Variants in POLR3F observed in about 807,000 individuals in gnomAD.
POLR3F encodes the protein DNA-directed RNA polymerase III subunit RPC6.
POLR3F carries 31 observed loss-of-function variants against 43.6 expected under a neutral mutation model. The observed-to-expected ratio is 0.71, with a 90% CI of 0.53 to 0.96. POLR3F has a LOEUF of 0.96. Among genes scored for constraint, POLR3F ranks in the 40% least tolerant of loss-of-function variants. The probability of loss-of-function intolerance (pLI) is 0.00; values close to 1 mark genes in which losing one functional copy is unlikely to be tolerated. For missense variants in POLR3F, 316 were observed against 391.7 expected (o/e 0.81, Z 1.63); for synonymous variants, 114 against 132.5 (o/e 0.86, Z 0.96).
intron 3 of POLR3F, among the ~76,000 whole-genome samples, 176 bp from the exon 4 acceptor site, chr20:18,473,215 G>C (rs1187618747): frequency 6.6e-6 from 1 of 151,096 alleles, no homozygotes; most frequent in Non-Finnish European, 1.5e-5. Context: ...CTGTATCTTG[G>C]ACATCTTTTC....
At chr20:18,473,085 T>G (rs1412867900) in intron 3 of POLR3F, 176 bp downstream of exon 3, 1 of 387,570 alleles carries the variant, frequency 2.6e-6, no homozygotes, top group Non-Finnish European at 4.6e-6. Context: ...TATCCTTTCT[T>G]CTAGCTATAT....
In POLR3F at chr20:18,472,316, C is replaced by T. The variant is rs182987105; in HGVS notation, c.181-526C>T. Among the ~76,000 whole-genome samples the T allele has an allele frequency of 1.6e-3, 238 of 151,952 alleles. 1 individual carries two copies. The highest frequency in any genetic ancestry group is 5.4e-3 in the African/African-American group (223 of 41,444). ...ATCTCAGCTCAGCCTTCCATGTAGC[C>T]GGGACTACAGGCGCATGCCACTGCA... On this transcript the variant is annotated intron_variant, in intron 2 of 8. Transcript: ENST00000377603.
chr20:18,477,178 A>G (rs1266226238), intron 5 of POLR3F, among the ~76,000 whole-genome samples: 5 of 152,200 alleles, frequency 3.3e-5, no homozygotes, highest in Non-Finnish European at 1.5e-5. Context: ...ATGGCAGATA[A>G]GCATATGAAA....
intron 4 of POLR3F, 123 bp downstream of exon 4, chr20:18,473,581 A>G: frequency 2.1e-6 from 1 of 483,670 alleles, no homozygotes; most frequent in East Asian, 3.1e-5. Flanking sequence ...GTAATAGAAC[A>G]TACAAATATA....
chr20:18,483,415 T>A, intron 8 of POLR3F, 66 bp from the exon 9 acceptor site: 1 of 735,532 alleles, frequency 1.4e-6, no homozygotes, highest in Non-Finnish European at 2.2e-6. Context: ...TTGCTTTAAA[T>A]AAGTGGTTGG....
chr20:18,468,770 G>T (rs2059725670), intron 1 of POLR3F, among the ~76,000 whole-genome samples, 174 bp from the exon 2 acceptor site: 1 of 152,180 alleles, frequency 6.6e-6, no homozygotes, highest in South Asian at 2.1e-4. Flanking sequence ...CATGTATTTA[G>T]AAATCATCTT....
At chr20:18,478,904 A>C (rs1262652360) in intron 5 of POLR3F, among the ~76,000 whole-genome samples, 1 of 152,066 alleles carries the variant, frequency 6.6e-6, no homozygotes, top group Non-Finnish European at 1.5e-5. Context: ...GCACTTTGGG[A>C]GGCCAAGGAG....
intron 3 of POLR3F, 116 bp downstream of exon 3, chr20:18,473,025 T>C: frequency 2.1e-6 from 1 of 486,878 alleles, no homozygotes; most frequent in Non-Finnish European, 3.7e-6. Flanking sequence ...CCCTGCCTCC[T>C]ATGATATATT....
chr20:18,475,685 T>C (rs1016675745), intron 5 of POLR3F, among the ~76,000 whole-genome samples: 1 of 152,184 alleles, frequency 6.6e-6, no homozygotes, highest in African/African-American at 2.4e-5. Flanking sequence ...CTGACCTCAC[T>C]GATTTAGACA....
Position 18,480,495 on chromosome 20 carries a change from T to C in POLR3F, c.667T>C (p.Leu223=), listed in dbSNP as rs752454788. 27 of 1,582,118 alleles carry C rather than the reference T, an allele frequency of 1.7e-5. No individual in the cohort carries two copies. In the African/African-American group the frequency reaches 3.1e-4, roughly 18 times the overall value. The change falls in exon 7 of 9, where the codon TTG becomes CTG. Residue 223 remains leucine, a synonymous_variant. Transcript: ENST00000377603. ...TGAAGTGTGGAAATATATCTGCGAATTGGGAATCAGTAAGGTCAGAACTGA... is the reference window on the plus strand; with the variant it reads ...TGAAGTGTGGAAATATATCTGCGAACTGGGAATCAGTAAGGTCAGAACTGA... ...SHEVWKYICE[L]GISKVELSME... is the part of the protein sequence containing the mutation.
At chr20:18,475,754 T>C (rs1191957397) in intron 5 of POLR3F, among the ~76,000 whole-genome samples, 1 of 152,216 alleles carries the variant, frequency 6.6e-6, no homozygotes, top group Non-Finnish European at 1.5e-5. Context: ...TTCATAAGAA[T>C]TACAGCTATA....
intron 5 of POLR3F, among the ~76,000 whole-genome samples, chr20:18,478,908 CAAG>C (rs756738714): frequency 7.5e-5 from 11 of 146,230 alleles, no homozygotes; most frequent in Non-Finnish European, 1.4e-4. Context: ...TTTGGGAGGC[CAAG>C]GAGGGTGGAT....
chr20:18,468,108 C>T (rs962721599), intron 1 of POLR3F, among the ~76,000 whole-genome samples: 1 of 152,190 alleles, frequency 6.6e-6, no homozygotes, highest in Non-Finnish European at 1.5e-5. Context: ...GACAGAGTCT[C>T]GCTCTGTCGC....
chr20:18,469,270 G>C (rs1384914590), intron 2 of POLR3F: 1 of 515,880 alleles, frequency 1.9e-6, no homozygotes, highest in East Asian at 3.2e-5. Flanking sequence ...AGTAGATATG[G>C]GTCCAGTTGG....
In POLR3F at chr20:18,470,499, TA is replaced by T. The variant is rs1037896349; in HGVS notation, c.180+1443del. The T allele has an allele frequency of 7.7e-4, 119 of 154,938 alleles. 1 individual carries two copies. The highest frequency in any genetic ancestry group is 2.8e-3 in the African/African-American group (115 of 41,646). The allele number at this position is 154,938 out of a possible 1,614,324, so 9.6% of individuals were successfully genotyped here. A position where few individuals can be genotyped will look rare whatever the true frequency, so the allele number is the denominator to read the frequency against. ...CCATGTTCCAACAAAACTTTGGTTA[TA>T]AAAACAAGCTGTGGAGCAGATTGCT... is the stretch of plus-strand genomic sequence containing the variant. On this transcript the variant is annotated intron_variant, in intron 2 of 8. Transcript: ENST00000377603.
Position 18,483,538 on chromosome 20 carries a change from A to C in POLR3F, c.931A>C (p.Thr311Pro). 3 of 1,510,456 alleles carry C rather than the reference A, an allele frequency of 2.0e-6. No individual in the cohort carries two copies. The highest frequency in any genetic ancestry group is 2.7e-6 in the Non-Finnish European group (3 of 1,107,214). 93.6% of individuals were successfully genotyped at this position (1,510,456 alleles called of 1,614,324 possible). Residue 311 changes from threonine to proline, a missense_variant, in exon 9 of 9, where the codon ACA becomes CCA. Transcript: ENST00000377603. ...EISPSNCIYM[T>P]EWLEF ...TTCACCATCTAACTGTATTTACATG[A>C]CAGAGTGGCTCGAATTTTAATAGAG...
At chr20:18,476,137 C>G (rs966888385) in intron 5 of POLR3F, among the ~76,000 whole-genome samples, 1 of 152,144 alleles carries the variant, frequency 6.6e-6, no homozygotes, top group Non-Finnish European at 1.5e-5. Context: ...AGTGTAAAAT[C>G]TTTGGATTTA....
At chr20:18,472,259 C>G (rs2059757205) in intron 2 of POLR3F, among the ~76,000 whole-genome samples, 1 of 152,120 alleles carries the variant, frequency 6.6e-6, no homozygotes, top group African/African-American at 2.4e-5. Context: ...TGGAGTCTTG[C>G]TCTGTTGCCC....
chr20:18,473,077 T>C (rs1369201283), intron 3 of POLR3F, 168 bp downstream of exon 3: 1 of 400,302 alleles, frequency 2.5e-6, no homozygotes, highest in Non-Finnish European at 4.5e-6. Context: ...TTAGTGTATA[T>C]CCTTTCTTCT....
Sources: gnomAD v4.1 joint callset for allele counts (sites outside exome capture counted in the v4.1 genomes callset) on GRCh38, gnomAD v4.1.1 for gene constraint, MANE v1.5 for transcripts, NCBI Gene and HGNC (gene_info 2026-07-23, HGNC 2026-07-21) for gene names.